SMYD3: variants seen among roughly 807,000 people sequenced by gnomAD.
SMYD3 encodes the protein histone-lysine N-methyltransferase SMYD3.
In SMYD3, 36 loss-of-function variants were observed where a neutral mutation model predicts 57.7. The observed-to-expected ratio is 0.62, with a 90% CI of 0.48 to 0.82. The LOEUF is 0.82. SMYD3 is among the 40% of genes least tolerant of loss of function. The pLI, the probability that SMYD3 is intolerant of heterozygous loss-of-function variation, is 0.00. For missense variants in SMYD3, 515 were observed against 538.8 expected (o/e 0.96, Z 0.44); for synonymous variants, 211 against 195.0 (o/e 1.08, Z -0.68).
chr1:246,115,936 C>T (rs1417850630), intron 5 of SMYD3, among the ~76,000 whole-genome samples: 2 of 151,978 alleles, frequency 1.3e-5, no homozygotes, highest in African/African-American at 2.4e-5. Context: ...GTCAGGAGTT[C>T]GAGATCAGCC....
intron 11 of SMYD3, among the ~76,000 whole-genome samples, chr1:245,761,952 AT>A (rs1237726325): frequency 1.1e-4 from 17 of 151,684 alleles, no homozygotes; most frequent in African/African-American, 4.1e-4. Context: ...TGCTCAGCTA[AT>A]TTTTGTATTT....
chr1:246,310,312 G>A (rs1258127277), intron 5 of SMYD3, among the ~76,000 whole-genome samples: 2 of 152,280 alleles, frequency 1.3e-5, no homozygotes, highest in Non-Finnish European at 2.9e-5. Flanking sequence ...GCTCCAAAAT[G>A]TCTGGAGGTG....
intron 5 of SMYD3, among the ~76,000 whole-genome samples, chr1:246,018,741 G>A (rs2059419834): frequency 6.6e-6 from 1 of 151,056 alleles, no homozygotes. Flanking sequence ...AAGTAGCTAG[G>A]ACCACAGGTG....
chr1:245,923,816 T>C (rs1031365074), intron 7 of SMYD3, among the ~76,000 whole-genome samples: 1 of 152,244 alleles, frequency 6.6e-6, no homozygotes, highest in Non-Finnish European at 1.5e-5. Flanking sequence ...TCCTCAACTA[T>C]ACCTTGAACT....
intron 9 of SMYD3, 53 bp from the exon 10 acceptor site, chr1:245,858,723 C>G (rs767226023): frequency 6.4e-7 from 1 of 1,566,110 alleles, no homozygotes; most frequent in Non-Finnish European, 8.7e-7. Context: ...AAAAAACAAA[C>G]AAAATTAGAT....
intron 10 of SMYD3, among the ~76,000 whole-genome samples, chr1:245,814,878 G>A (rs553368637): frequency 2.6e-4 from 38 of 147,380 alleles, no homozygotes; most frequent in Admixed American, 4.7e-4. Context: ...ACACACGCAC[G>A]CACACACGCA....
intron 1 of SMYD3, chr1:246,426,089 G>A (rs1463126037): frequency 1.3e-5 from 2 of 152,096 alleles, no homozygotes; most frequent in Non-Finnish European, 2.9e-5. Context: ...AAAGTCAATT[G>A]AGATAACTCA....
At chr1:245,958,721 ATC>A (rs1449610798) in intron 5 of SMYD3, among the ~76,000 whole-genome samples, 1 of 152,168 alleles carries the variant, frequency 6.6e-6, no homozygotes, top group Non-Finnish European at 1.5e-5. Context: ...CCTACTTTGT[ATC>A]TCTTTCATAT....
In SMYD3 at chr1:246,467,937, G is replaced by C. The variant is rs143359809; in HGVS notation, c.164+39117C>G. On this transcript the variant is annotated intron_variant, in intron 1 of 11. Coordinates refer to ENST00000490107, the MANE Select transcript of SMYD3 (RefSeq NM_001167740.2). ...GTACTTGCAGAGGCCAAGGTGGGCA[G>C]ATCGCTTGAGCCCAGGAGTTCACGA... 9.7e-4 allele frequency among the ~76,000 whole-genome samples: 147 copies of C among 152,324 alleles called. 1 individual carries two copies. Among genetic ancestry groups the C allele is most frequent in the African/African-American group, 3.4e-3 (142 of 41,578 alleles).
At chr1:246,411,345 G>A (rs1342487215) in intron 1 of SMYD3, among the ~76,000 whole-genome samples, 1 of 152,196 alleles carries the variant, frequency 6.6e-6, no homozygotes, top group African/African-American at 2.4e-5. Flanking sequence ...GAGAGGATGT[G>A]GAGAAGTAGG....
intron 5 of SMYD3, among the ~76,000 whole-genome samples, chr1:246,051,154 A>C (rs2060061385): frequency 6.8e-6 from 1 of 147,750 alleles, no homozygotes. Flanking sequence ...TTTTTGAGAC[A>C]AGGTCCCACT....
chr1:246,194,253 G>A (rs1404948138), intron 5 of SMYD3, among the ~76,000 whole-genome samples: 1 of 151,462 alleles, frequency 6.6e-6, no homozygotes, highest in East Asian at 1.9e-4. Context: ...ATATACTACA[G>A]TTCTTGTGGG....
intron 5 of SMYD3, among the ~76,000 whole-genome samples, chr1:246,108,273 G>A (rs1040453789): frequency 1.3e-5 from 2 of 152,186 alleles, no homozygotes; most frequent in East Asian, 1.9e-4. Flanking sequence ...CTGACCTCAA[G>A]AAGTTTATAG....
intron 5 of SMYD3, among the ~76,000 whole-genome samples, chr1:246,201,933 C>G (rs1440322956): frequency 2.7e-4 from 41 of 151,410 alleles, no homozygotes; most frequent in African/African-American, 1.0e-3. Flanking sequence ...GAATCGCTTG[C>G]ACCCGGGAGG....
chr1:246,047,951 C>T (rs2059999569), intron 5 of SMYD3, among the ~76,000 whole-genome samples: 1 of 152,076 alleles, frequency 6.6e-6, no homozygotes, highest in South Asian at 2.1e-4. Context: ...TAGTCATATT[C>T]CAGTGTAAAA....
chr1:246,243,425 G>A (rs544432092), intron 5 of SMYD3, among the ~76,000 whole-genome samples: 1 of 109,690 alleles, frequency 9.1e-6, no homozygotes. Flanking sequence ...TCTATCTGAA[G>A]AATTATAAGG....
At chr1:246,207,075 G>C (rs2063011856) in intron 5 of SMYD3, among the ~76,000 whole-genome samples, 1 of 152,056 alleles carries the variant, frequency 6.6e-6, no homozygotes, top group African/African-American at 2.4e-5. Flanking sequence ...GCAGGTTTTA[G>C]GACTTCAGAT....
intron 1 of SMYD3, among the ~76,000 whole-genome samples, chr1:246,422,431 A>G (rs1458610254): frequency 1.3e-5 from 2 of 150,890 alleles, no homozygotes; most frequent in Non-Finnish European, 3.0e-5. Flanking sequence ...TTTTTTTTTA[A>G]TTTATTTTTT....
chr1:246,488,941 G>A (rs1297561585), intron 1 of SMYD3, among the ~76,000 whole-genome samples: 1 of 152,088 alleles, frequency 6.6e-6, no homozygotes, highest in Non-Finnish European at 1.5e-5. Flanking sequence ...TAAAACACTA[G>A]ATATTCTCCG....
Sources: allele counts gnomAD v4.1 joint callset (sites outside exome capture counted in the v4.1 genomes callset), GRCh38; gene constraint gnomAD v4.1.1; transcripts MANE v1.5; gene names NCBI Gene and HGNC (gene_info 2026-07-23, HGNC 2026-07-21).